The following RTN4 variants were observed in gnomAD, a reference collection of about 807,000 sequenced individuals.
RTN4 encodes reticulon 4.
In RTN4, 32 loss-of-function variants were observed where a neutral mutation model predicts 90.4. The observed-to-expected ratio is 0.35, with a 90% CI of 0.27 to 0.48. The LOEUF is 0.48. Among genes scored for constraint, RTN4 ranks in the 20% least tolerant of loss-of-function variants. The pLI, the probability that RTN4 is intolerant of heterozygous loss-of-function variation, is 0.99. For synonymous variants in RTN4, 629 were observed against 552.5 expected (o/e 1.14, Z -1.94); for missense variants, 1,706 against 1,430.2 (o/e 1.19, Z -3.11).
At chr2:55,097,031 A>G (rs1667744489) in intron 1 of RTN4, among the ~76,000 whole-genome samples, 1 of 151,744 alleles carries the variant, frequency 6.6e-6, no homozygotes, top group Admixed American at 6.6e-5. Flanking sequence ...CTTAGGGGAG[A>G]TTATACTAAG....
At chr2:54,973,716 T>C in intron 7 of RTN4, 95 bp from the exon 8 acceptor site, 1 of 1,491,878 alleles carries the variant, frequency 6.7e-7, no homozygotes, top group Admixed American at 1.7e-5. Context: ...ACCATCACAC[T>C]TCTCATTTTT....
At chr2:55,072,955 A>C (rs1668541149) in intron 2 of RTN4, among the ~76,000 whole-genome samples, 1 of 152,226 alleles carries the variant, frequency 6.6e-6, no homozygotes, top group Non-Finnish European at 1.5e-5. Context: ...GAGCTTCTTC[A>C]GTTGCTCGGC....
At position 55,026,964 on chromosome 2, in the gene RTN4, G is replaced by A. The variant is rs1366387531; in HGVS notation, c.1135C>T (p.Pro379Ser). 4 of 1,613,328 alleles carry A rather than the reference G, an allele frequency of 2.5e-6. No individual in the cohort carries two copies. The highest frequency in any genetic ancestry group is 3.4e-6 in the Non-Finnish European group (4 of 1,179,862). Reference protein sequence around the residue: ...FNEKRVAVEAPMREEYADFKP... With the variant: ...FNEKRVAVEASMREEYADFKP... ...AAGTCTGCATATTCCTCCCTCATAG[G>A]AGCTTCCACTGCAACTCTCTTTTCA... The change falls in exon 3 of 9, where the codon CCT (proline) becomes TCT (serine). Residue 379 changes from proline to serine, a missense_variant. Transcript: ENST00000337526.
rs777734239 is a variant in RTN4, at chr2:55,050,121, G to A, written c.180C>T (p.Ala60=). ...GCACTGGGGCCGCGGACAGCCCGGC[G>A]GCGGGCTTCCTCTCCAGCACCTCCA... ...EELEVLERKP[A]AGLSAAPVPT... is the part of the protein sequence containing the mutation. Residue 60 remains alanine, a synonymous_variant, in exon 1 of 9, where the codon GCC becomes GCT. Coordinates refer to ENST00000337526, the MANE Select transcript of RTN4 (RefSeq NM_020532.5). The surrounding 1 kb of genome is among the most constrained non-coding windows in gnomAD (Gnocchi z 4.6). 9 of 1,510,988 alleles carry A rather than the reference G, an allele frequency of 6.0e-6. No homozygotes were observed. Among genetic ancestry groups the A allele is most frequent in the African/African-American group, 2.9e-5 (2 of 70,050 alleles). The allele number at this position is 1,510,988 out of a possible 1,614,324, so 93.6% of individuals were successfully genotyped here.
intron 3 of RTN4, among the ~76,000 whole-genome samples, chr2:55,003,382 G>A (rs1403038309): frequency 1.3e-5 from 2 of 151,988 alleles, no homozygotes; most frequent in Admixed American, 1.3e-4. Context: ...GAAGAAAGAC[G>A]ACACAAAATA....
intron 3 of RTN4, among the ~76,000 whole-genome samples, chr2:54,988,226 A>C (rs981160936): frequency 3.3e-5 from 5 of 152,212 alleles, no homozygotes; most frequent in Admixed American, 3.3e-4. Flanking sequence ...CTGAGGCAAG[A>C]GAATCGCTTG....
intron 2 of RTN4, among the ~76,000 whole-genome samples, chr2:55,078,861 A>T (rs1259798850): frequency 6.6e-6 from 1 of 152,178 alleles, no homozygotes; most frequent in Admixed American, 6.6e-5. Flanking sequence ...AAAAGAAAGG[A>T]TGATCACAGA....
chr2:55,047,842 C>T (rs895018682), intron 1 of RTN4, among the ~76,000 whole-genome samples: 3 of 152,184 alleles, frequency 2.0e-5, no homozygotes, highest in African/African-American at 4.8e-5. Flanking sequence ...AATAAAACAA[C>T]GTGACTAATA....
intron 2 of RTN4, among the ~76,000 whole-genome samples, chr2:55,059,403 G>T (rs572833763): frequency 6.6e-6 from 1 of 151,788 alleles, no homozygotes; most frequent in African/African-American, 2.4e-5. Flanking sequence ...GCCCAGGATG[G>T]AGTGCAGTGG....
rs199848386 is a variant in RTN4 at position 55,026,628 on chromosome 2, T to G, written c.1471A>C (p.Lys491Gln). Reference protein sequence around the residue: ...PLLGDPTSENKTDEKKIEEKK... With the variant: ...PLLGDPTSENQTDEKKIEEKK... ...TCTTCTATTTTTTTTTCATCGGTCT[T>G]ATTTTCTGAAGTAGGATCTCCTAAC... The change falls in exon 3 of 9, where the codon AAG becomes CAG. Residue 491 changes from lysine to glutamine, a missense_variant. By Grantham distance (53) the Lys-to-Gln change is moderately conservative. Transcript: ENST00000337526. The G allele has an allele frequency of 6.2e-7, 1 of 1,612,772 alleles. No homozygotes were observed. The highest frequency in any genetic ancestry group is 1.3e-5 in the African/African-American group (1 of 74,892).
At chr2:54,985,590 G>A (rs1355360654) in intron 4 of RTN4, among the ~76,000 whole-genome samples, 1 of 152,088 alleles carries the variant, frequency 6.6e-6, no homozygotes, top group Non-Finnish European at 1.5e-5. Context: ...ATTAAAATAT[G>A]TACATAAAAG....
rs143430460 is a variant in RTN4 at position 55,022,339 on chromosome 2, A to G, written c.3013+2747T>C. Reference sequence around the variant, plus strand: ...AAACCATTTTACTGTGCTGTTTGAAACCCCCATTCCACTGTGAACCAGCTC... The same window carrying G: ...AAACCATTTTACTGTGCTGTTTGAAGCCCCCATTCCACTGTGAACCAGCTC... On this transcript the variant is annotated intron_variant, in intron 3 of 8. Coordinates refer to ENST00000337526, the MANE Select transcript of RTN4 (RefSeq NM_020532.5). Among the ~76,000 whole-genome samples, 8 of 150,978 alleles carry G rather than the reference A, an allele frequency of 5.3e-5. No homozygotes were observed. In the East Asian group the frequency reaches 1.2e-3, roughly 22 times the overall value.
chr2:55,075,706 G>A (rs1053525584), intron 2 of RTN4, among the ~76,000 whole-genome samples: 7 of 152,152 alleles, frequency 4.6e-5, no homozygotes, highest in African/African-American at 1.7e-4. Context: ...CAAGGCCATA[G>A]TCACCAAAAC....
chr2:55,004,620 T>C (rs1343915424), intron 3 of RTN4, among the ~76,000 whole-genome samples: 1 of 152,108 alleles, frequency 6.6e-6, no homozygotes, highest in Non-Finnish European at 1.5e-5. Context: ...ATTTTAAAAT[T>C]TTCCAAAAAT....
rs925651753 is a variant in RTN4, at chr2:55,000,408, G to T, written c.3014-12710C>A. 2.0e-5 allele frequency among the ~76,000 whole-genome samples: 3 copies of T among 151,998 alleles called. No individual in the cohort carries two copies. In the South Asian group the frequency reaches 6.2e-4, roughly 32 times the overall value. On this transcript the variant is annotated intron_variant, in intron 3 of 8. Coordinates refer to ENST00000337526, the MANE Select transcript of RTN4 (RefSeq NM_020532.5). ...ATCTTTCCTGTCTTACTTTGATAACGTTACAGTGCTTTGGCGAATTTGAAC... is the reference window on the plus strand; with the variant it reads ...ATCTTTCCTGTCTTACTTTGATAACTTTACAGTGCTTTGGCGAATTTGAAC...
chr2:55,053,878 A>G (rs1390703403), upstream of RTN4, among the ~76,000 whole-genome samples: 3 of 152,124 alleles, frequency 2.0e-5, no homozygotes, highest in African/African-American at 4.8e-5. Context: ...TCTCTCTTCC[A>G]TTATCATGGT....
At chr2:55,018,751 T>G (rs1005740494) in intron 3 of RTN4, among the ~76,000 whole-genome samples, 7 of 151,322 alleles carry the variant, frequency 4.6e-5, no homozygotes, top group Non-Finnish European at 7.4e-5. Context: ...TGTATGTGTA[T>G]GTGTGTATGT....
At chr2:55,116,869 T>A (rs1282426896), upstream of RTN4, among the ~76,000 whole-genome samples, 1 of 117,024 alleles carries the variant, frequency 8.5e-6, no homozygotes, top group African/African-American at 3.2e-5. Flanking sequence ...TTTCTTTCTT[T>A]TTTTCCTTTT....
At chr2:55,136,131 C>G in the RTN4 span, among the ~76,000 whole-genome samples, 1 of 152,166 alleles carries the variant, frequency 6.6e-6, no homozygotes, top group African/African-American at 2.4e-5. Context: ...AGCTGGTGAT[C>G]AGCCGCTTCC....
Sources: allele counts gnomAD v4.1 joint callset (sites outside exome capture counted in the v4.1 genomes callset), GRCh38; gene constraint gnomAD v4.1.1; non-coding constraint Gnocchi (gnomAD v3.1); transcripts MANE v1.5; gene names NCBI Gene and HGNC (gene_info 2026-07-23, HGNC 2026-07-21).